The following TEX9 variants were observed in gnomAD, a reference collection of about 807,000 sequenced individuals.
TEX9 encodes testis-expressed protein 9.
A neutral mutation model predicts 59.6 loss-of-function variants in TEX9; 74 were observed. The observed-to-expected ratio is 1.24, with a 90% CI of 1.03 to 1.51. TEX9 has a LOEUF of 1.51. Among genes scored for constraint, TEX9 ranks in the 40% most tolerant of loss-of-function variants. TEX9 has a pLI of 0.00. For missense variants in TEX9, 522 were observed against 447.8 expected (o/e 1.17, Z -1.49); for synonymous variants, 186 against 152.2 (o/e 1.22, Z -1.64).
chr15:56,441,599 A>G (rs1837307344), intron 12 of TEX9, among the ~76,000 whole-genome samples: 3 of 152,266 alleles, frequency 2.0e-5, no homozygotes, highest in Admixed American at 2.0e-4. Context: ...CAGGAAATGA[A>G]GTTATCAACA....
intron 12 of TEX9, among the ~76,000 whole-genome samples, chr15:56,434,699 A>G (rs1443405784): frequency 2.0e-5 from 3 of 152,092 alleles, no homozygotes; most frequent in African/African-American, 7.2e-5. Context: ...CCTTTTTTGC[A>G]CACCTGAGTT....
intron 1 of TEX9, among the ~76,000 whole-genome samples, chr15:56,290,389 CT>C (rs1288582206): frequency 6.6e-6 from 1 of 152,066 alleles, no homozygotes; most frequent in African/African-American, 2.4e-5. Context: ...CACCACCTTT[CT>C]TTTTTGCTCC....
chr15:56,394,987 T>TA (rs1347163679), intron 9 of TEX9, 153 bp downstream of exon 9: 25 of 741,258 alleles, frequency 3.4e-5, no homozygotes, highest in Non-Finnish European at 5.1e-5. Context: ...TTTAACAACT[T>TA]TATTGAGATG....
intron 1 of TEX9, among the ~76,000 whole-genome samples, chr15:56,251,477 T>A (rs1372244483): frequency 6.6e-6 from 1 of 152,140 alleles, no homozygotes; most frequent in Non-Finnish European, 1.5e-5. Context: ...AATAAAACCT[T>A]TGCCCAAGGA....
chr15:56,362,991 A>G (rs1321528472), upstream of TEX9, among the ~76,000 whole-genome samples: 1 of 152,168 alleles, frequency 6.6e-6, no homozygotes, highest in Non-Finnish European at 1.5e-5. Context: ...TTAATTACTA[A>G]TCAGTTTATG....
intron 7 of TEX9, among the ~76,000 whole-genome samples, chr15:56,391,673 A>G (rs1207223943): frequency 6.6e-6 from 1 of 152,026 alleles, no homozygotes; most frequent in African/African-American, 2.4e-5. Context: ...TTTATGTTTC[A>G]TATTTTCCAT....
chr15:56,412,481 CT>C, intron 10 of TEX9, 45 bp downstream of exon 10: 1 of 1,552,282 alleles, frequency 6.4e-7, no homozygotes, highest in East Asian at 2.3e-5. Flanking sequence ...CTTTTGGTAA[CT>C]ACTTCTTTTA....
chr15:56,280,728 T>C (rs2044795796), intron 1 of TEX9, among the ~76,000 whole-genome samples: 1 of 152,238 alleles, frequency 6.6e-6, no homozygotes, highest in Non-Finnish European at 1.5e-5. Context: ...ACAGAATCAT[T>C]GAAGCTGGGA....
intron 3 of TEX9, 36 bp from the exon 4 acceptor site, chr15:56,383,916 T>C (rs766187041): frequency 4.6e-6 from 7 of 1,508,714 alleles, no homozygotes; most frequent in Middle Eastern, 1.7e-4. Context: ...TGGTTTTTTT[T>C]CTATATGATA....
At chr15:56,387,549 G>T (rs1252536400) in intron 4 of TEX9, among the ~76,000 whole-genome samples, 8 of 151,820 alleles carry the variant, frequency 5.3e-5, no homozygotes, top group Admixed American at 3.3e-4. Context: ...TAAGTGGGAG[G>T]CATCTGATGG....
At chr15:56,262,942 C>T (rs1464282590) in intron 1 of TEX9, among the ~76,000 whole-genome samples, 15 of 152,176 alleles carry the variant, frequency 9.9e-5, no homozygotes, top group African/African-American at 3.4e-4. Context: ...TTGCTGTTTG[C>T]ATGATAATAT....
intron 1 of TEX9, among the ~76,000 whole-genome samples, chr15:56,263,997 A>T (rs2044324843): frequency 6.6e-6 from 1 of 152,182 alleles, no homozygotes; most frequent in South Asian, 2.1e-4. Context: ...TGAATAATAC[A>T]TTTGGCTTGT....
chr15:56,384,087 A>T (rs2142174189), intron 4 of TEX9, 56 bp downstream of exon 4: 1 of 1,363,208 alleles, frequency 7.3e-7, no homozygotes, highest in South Asian at 1.3e-5. Flanking sequence ...ATGGATCGTT[A>T]TGTAAGATCT....
intron 12 of TEX9, chr15:56,429,254 T>G: frequency 1.9e-6 from 2 of 1,069,634 alleles, no homozygotes; most frequent in Non-Finnish European, 2.8e-6. Context: ...TAAATGCTTT[T>G]AAGACTGACA....
the TEX9 span, among the ~76,000 whole-genome samples, chr15:56,458,723 T>A: frequency 2.0e-5 from 3 of 152,210 alleles, no homozygotes; most frequent in Non-Finnish European, 4.4e-5. Flanking sequence ...CTTTTTGGAC[T>A]GGCTTCTTTC....
intron 1 of TEX9, among the ~76,000 whole-genome samples, chr15:56,263,243 G>A (rs906804460): frequency 6.6e-6 from 1 of 152,136 alleles, no homozygotes; most frequent in Non-Finnish European, 1.5e-5. Flanking sequence ...GGCTGGTCTC[G>A]AACTGCAGAC....
chr15:56,383,880 A>G (rs895999024), intron 3 of TEX9, 72 bp from the exon 4 acceptor site: 3 of 1,046,602 alleles, frequency 2.9e-6, no homozygotes, highest in Non-Finnish European at 4.2e-6. Flanking sequence ...ATGTTCAGAG[A>G]GGCACTTGAA....
intron 12 of TEX9, among the ~76,000 whole-genome samples, chr15:56,432,375 G>C (rs12908839): frequency 0.31 from 46,419 of 152,010 alleles, 7,960 homozygotes; most frequent in Middle Eastern, 0.49. Flanking sequence ...TTCAGATTTT[G>C]TCTGACCGTA....
chr15:56,334,551 T>C (rs2046222228), intron 1 of TEX9, among the ~76,000 whole-genome samples: 1 of 152,154 alleles, frequency 6.6e-6, no homozygotes, highest in Non-Finnish European at 1.5e-5. Flanking sequence ...GTGAAACTAC[T>C]GAAAGAAATA....
Sources: allele counts gnomAD v4.1 joint callset (sites outside exome capture counted in the v4.1 genomes callset), GRCh38; gene constraint gnomAD v4.1.1; transcripts MANE v1.5; gene names NCBI Gene and HGNC (gene_info 2026-07-23, HGNC 2026-07-21).